LPAR6: variants seen among roughly 807,000 people sequenced by gnomAD.
LPAR6 encodes the protein G-protein coupled purinergic receptor P2Y5.
LPAR6 carries 17 observed loss-of-function variants against 22.0 expected under a neutral mutation model. The ratio of observed to expected loss-of-function variants is 0.77; its 90% CI spans 0.53 to 1.16. LPAR6 has a LOEUF of 1.16. Among genes scored for constraint, LPAR6 ranks in the 50% most tolerant of loss-of-function variants. The pLI, the probability that LPAR6 is intolerant of heterozygous loss-of-function variation, is 0.00. For synonymous variants in LPAR6, 136 were observed against 139.8 expected, an observed-to-expected ratio of 0.97 and a Z score of 0.19; for missense variants, 384 against 406.9, an observed-to-expected ratio of 0.94 and a Z score of 0.48.
chr13:48,425,486 A>C (rs543746775), intron 1 of LPAR6, among the ~76,000 whole-genome samples: 2 of 152,160 alleles, frequency 1.3e-5, no homozygotes, highest in African/African-American at 2.4e-5. Context: ...GCTTTCAAAA[A>C]TTTTTCACCT....
chr13:48,405,484 T>C (rs749481445), intron 1 of LPAR6, among the ~76,000 whole-genome samples: 1 of 152,226 alleles, frequency 6.6e-6, no homozygotes, highest in Non-Finnish European at 1.5e-5. Flanking sequence ...GCCCATAGTT[T>C]TGACTGCATA....
At chr13:48,433,231 A>G (rs1341614818) in intron 1 of LPAR6, among the ~76,000 whole-genome samples, 2 of 152,142 alleles carry the variant, frequency 1.3e-5, no homozygotes, top group Non-Finnish European at 1.5e-5. Flanking sequence ...TTTTTCAAAA[A>G]GATACATATG....
intron 1 of LPAR6, among the ~76,000 whole-genome samples, chr13:48,395,791 A>C (rs906217559): frequency 6.6e-6 from 1 of 152,190 alleles, no homozygotes; most frequent in African/African-American, 2.4e-5. Flanking sequence ...GAGTGGAACC[A>C]AGTTAGAAAA....
intron 1 of LPAR6, among the ~76,000 whole-genome samples, chr13:48,390,989 C>A (rs929895144): frequency 1.3e-5 from 2 of 152,014 alleles, no homozygotes; most frequent in Non-Finnish European, 2.9e-5. Flanking sequence ...GGTTTAAATT[C>A]TCCATCTTAT....
chr13:48,395,180 A>G (rs542300665), intron 1 of LPAR6, among the ~76,000 whole-genome samples: 2 of 152,338 alleles, frequency 1.3e-5, no homozygotes, highest in South Asian at 4.1e-4. Flanking sequence ...GAGAACTAAC[A>G]AACAGAAATG....
chr13:48,416,046 C>T (rs1948903018), upstream of LPAR6, among the ~76,000 whole-genome samples: 1 of 151,958 alleles, frequency 6.6e-6, no homozygotes, highest in Admixed American at 6.6e-5. Context: ...AATGTGAGAT[C>T]TCTACACTTC....
At chr13:48,391,043 T>C (rs566347054) in intron 1 of LPAR6, among the ~76,000 whole-genome samples, 48 of 152,302 alleles carry the variant, frequency 3.2e-4, no homozygotes, top group South Asian at 1.0e-3. Context: ...CTCCCTTTCC[T>C]CTTTTTCTGC....
intron 1 of LPAR6, among the ~76,000 whole-genome samples, chr13:48,402,747 A>T (rs1042296395): frequency 1.3e-5 from 2 of 152,016 alleles, no homozygotes; most frequent in African/African-American, 2.4e-5. Flanking sequence ...CCCTCGTTTT[A>T]GGTAGCTAAG....
chr13:48,421,857 G>A (rs916473523), intron 2 of LPAR6, among the ~76,000 whole-genome samples: 52 of 152,264 alleles, frequency 3.4e-4, no homozygotes, highest in Non-Finnish European at 6.5e-4. Context: ...TTATTAAAAC[G>A]TCAGGAAACA....
chr13:48,395,632 G>A (rs1184777342), intron 1 of LPAR6, among the ~76,000 whole-genome samples: 1 of 152,028 alleles, frequency 6.6e-6, no homozygotes, highest in Admixed American at 6.6e-5. Context: ...AAGGATATCA[G>A]AGATTGAAGA....
chr13:48,412,713 C>A lies in LPAR6; in HGVS notation c.-290G>T, dbSNP rs1348122978. On this transcript the variant is annotated 5_prime_UTR_variant, in exon 1 of 1. Transcript: ENST00000620633. Reference sequence around the variant, plus strand: ...ACTGACGAGCAACCTTTAAAAAATACAGTCAACGAGTCCAACCCATAGGAT... The same window carrying A: ...ACTGACGAGCAACCTTTAAAAAATAAAGTCAACGAGTCCAACCCATAGGAT... The A allele has an allele frequency of 2.2e-6, 1 of 460,380 alleles. No homozygotes were observed. The highest frequency in any genetic ancestry group is 4.1e-6 in the Non-Finnish European group (1 of 243,420). 28.5% of individuals were successfully genotyped at this position (460,380 alleles called of 1,614,324 possible).
chr13:48,409,054 GAAGAA>G (rs1311763484), downstream of LPAR6, among the ~76,000 whole-genome samples: 1 of 151,624 alleles, frequency 6.6e-6, no homozygotes, highest in Non-Finnish European at 1.5e-5. Context: ...CAGGTCAATG[GAAGAA>G]AACACATTTA....
At chr13:48,401,440 TGAG>T (rs1303630405) in intron 1 of LPAR6, 1 of 152,212 alleles carries the variant, frequency 6.6e-6, no homozygotes, top group Non-Finnish European at 1.5e-5. Context: ...TATTAATTAT[TGAG>T]TTTACTAAAA....
At chr13:48,404,643 T>C (rs1273476278) in intron 1 of LPAR6, among the ~76,000 whole-genome samples, 1 of 151,968 alleles carries the variant, frequency 6.6e-6, no homozygotes, top group Non-Finnish European at 1.5e-5. Flanking sequence ...TCTCCTGCCT[T>C]AGCCTCCTGA....
At chr13:48,406,163 T>C (rs896256588), downstream of LPAR6, among the ~76,000 whole-genome samples, 2 of 152,152 alleles carry the variant, frequency 1.3e-5, no homozygotes, top group South Asian at 4.1e-4. Context: ...GTCTTGAGGA[T>C]CAATACCTAG....
intron 1 of LPAR6, among the ~76,000 whole-genome samples, chr13:48,425,334 C>A (rs1949064157): frequency 6.6e-6 from 1 of 152,174 alleles, no homozygotes; most frequent in Non-Finnish European, 1.5e-5. Flanking sequence ...CTATTTTCTC[C>A]ATTCTCTCAA....
Position 48,401,793 on chromosome 13 carries a change from A to T in LPAR6, n.115-11981T>A, listed in dbSNP as rs562490115. Among the ~76,000 whole-genome samples, 9 of 152,328 alleles carry T rather than the reference A, an allele frequency of 5.9e-5. No homozygotes were observed. The South Asian group carries it at 1.9e-3, about 32-fold the overall frequency. On this transcript the variant is annotated intron_variant and non_coding_transcript_variant, in intron 1 of 1. Transcript: ENST00000462781. Reference sequence around the variant, plus strand: ...GATTTGTTTCTTAGCCTTTTCAAAAAAGCCTTTTCTTACTTTGCTAAGTTT... The same window carrying T: ...GATTTGTTTCTTAGCCTTTTCAAAATAGCCTTTTCTTACTTTGCTAAGTTT...
rs201988975 is a variant in LPAR6 at position 48,412,291 on chromosome 13, C to T, written c.133G>A (p.Val45Ile). Residue 45 changes from valine (V) to isoleucine (I), a missense_variant, in exon 1 of 1, where the codon GTC (valine) becomes ATC (isoleucine). Coordinates refer to ENST00000620633, the MANE Select transcript of LPAR6 (RefSeq NM_001162498.3). ...NCVAIYIFIC[V>I]LKVRNETTTY... Reference sequence around the variant, plus strand: ...GTAGTTTCATTTCGGACTTTGAGGACGCAGATGAAAATGTATATGGCAACA... The same window carrying T: ...GTAGTTTCATTTCGGACTTTGAGGATGCAGATGAAAATGTATATGGCAACA... 70 of 1,613,618 alleles carry T rather than the reference C, an allele frequency of 4.3e-5. No homozygotes were observed. Among genetic ancestry groups the T allele is most frequent in the African/African-American group, 2.7e-5 (2 of 74,844 alleles).
downstream of LPAR6, among the ~76,000 whole-genome samples, chr13:48,407,664 T>G (rs1227369403): frequency 6.6e-6 from 1 of 152,224 alleles, no homozygotes; most frequent in Non-Finnish European, 1.5e-5. Context: ...TGTTCTACAT[T>G]CTTAAGTTTG....
Sources: gnomAD v4.1 joint callset for allele counts (sites outside exome capture counted in the v4.1 genomes callset) on GRCh38, gnomAD v4.1.1 for gene constraint, MANE v1.5 for transcripts, NCBI Gene and HGNC (gene_info 2026-07-23, HGNC 2026-07-21) for gene names.